Variants in DCC observed in about 807,000 individuals in gnomAD.
DCC encodes the protein DCC netrin 1 receptor, also known as netrin receptor DCC.
DCC carries 58 observed loss-of-function variants against 172.5 expected under a neutral mutation model. The observed-to-expected ratio is 0.34, with a 90% CI of 0.27 to 0.42. DCC has a LOEUF of 0.42. Ranked by LOEUF, DCC falls within the 10% of genes least tolerant of loss-of-function variation. DCC has a pLI of 1.00. For missense variants in DCC, 1,740 were observed against 1,791.0 expected (o/e 0.97, Z 0.51); for synonymous variants, 709 against 644.5 (o/e 1.10, Z -1.52).
intron 27 of DCC, among the ~76,000 whole-genome samples, chr18:53,510,598 C>A (rs1480305762): frequency 6.6e-6 from 1 of 152,148 alleles, no homozygotes; most frequent in Non-Finnish European, 1.5e-5. Flanking sequence ...CAGTTTTCAT[C>A]CTTTGCATTA....
In DCC at chr18:52,690,087, G is replaced by A. The variant is rs1460193; in HGVS notation, c.92-61967G>A. 2.2e-3 allele frequency among the ~76,000 whole-genome samples: 337 copies of A among 152,238 alleles called. 1 individual carries two copies. Among genetic ancestry groups the A allele is most frequent in the African/African-American group, 7.7e-3 (320 of 41,570 alleles). On this transcript the variant is annotated intron_variant, in intron 1 of 28. Transcript: ENST00000442544. The stretch of plus-strand genomic sequence containing the variant: ...CCTTCAAATGACTGTAGCCCAGACT[G>A]ACAGCTTGACAGCAGCCTCAGGAGA...
intron 12 of DCC, among the ~76,000 whole-genome samples, chr18:53,226,934 GTA>G (rs1555734406): frequency 5.9e-5 from 4 of 68,142 alleles, no homozygotes; most frequent in African/African-American, 6.2e-5. Flanking sequence ...GTGTGTGTGT[GTA>G]TATATATATA....
intron 2 of DCC, among the ~76,000 whole-genome samples, chr18:52,862,509 C>G (rs1402395719): frequency 1.3e-5 from 2 of 152,004 alleles, no homozygotes; most frequent in Non-Finnish European, 2.9e-5. Context: ...TGGAGACCAG[C>G]CTGTATGCTG....
At chr18:53,415,231 A>G (rs182010872) in intron 20 of DCC, among the ~76,000 whole-genome samples, 4 of 152,294 alleles carry the variant, frequency 2.6e-5, no homozygotes, top group Admixed American at 1.3e-4. Flanking sequence ...TATTTTCTCT[A>G]TGTGAATTTT....
intron 12 of DCC, among the ~76,000 whole-genome samples, chr18:53,225,398 A>G (rs983187315): frequency 6.6e-6 from 1 of 152,226 alleles, no homozygotes; most frequent in Non-Finnish European, 1.5e-5. Flanking sequence ...TAAAAGAGAC[A>G]CAGCAATGAT....
At chr18:53,448,055 T>TGTTTTG (rs1555673130) in intron 22 of DCC, among the ~76,000 whole-genome samples, 1 of 149,562 alleles carries the variant, frequency 6.7e-6, no homozygotes, top group African/African-American at 2.5e-5. Flanking sequence ...GAGTTTTTTT[T>TGTTTTG]TTTTTTTTTT....
chr18:53,341,872 A>C (rs1375371352), intron 15 of DCC, among the ~76,000 whole-genome samples: 1 of 152,238 alleles, frequency 6.6e-6, no homozygotes, highest in Admixed American at 6.5e-5. Flanking sequence ...CAGTTTCCAT[A>C]GTAACTTTTT....
At chr18:53,161,605 A>G (rs1305936304) in intron 8 of DCC, among the ~76,000 whole-genome samples, 4 of 152,114 alleles carry the variant, frequency 2.6e-5, no homozygotes, top group South Asian at 2.1e-4. Context: ...CTCAACATCA[A>G]TATCCCACGA....
intron 12 of DCC, among the ~76,000 whole-genome samples, chr18:53,295,304 T>G (rs2057053523): frequency 6.6e-6 from 1 of 151,984 alleles, no homozygotes; most frequent in South Asian, 2.1e-4. Flanking sequence ...TCAACAAAAA[T>G]AGCATATAAG....
chr18:53,417,930 C>T (rs1910415323), intron 21 of DCC, among the ~76,000 whole-genome samples: 1 of 151,952 alleles, frequency 6.6e-6, no homozygotes, highest in African/African-American at 2.4e-5. Flanking sequence ...TTTCCCAGTC[C>T]CTATGATCAC....
chr18:53,171,865 A>T (rs980142020), intron 8 of DCC, among the ~76,000 whole-genome samples: 1 of 152,118 alleles, frequency 6.6e-6, no homozygotes, highest in Non-Finnish European at 1.5e-5. Context: ...CTAAAAAAAA[A>T]AAAATAATAA....
intron 2 of DCC, chr18:52,757,286 C>T (rs2037091352): frequency 6.6e-6 from 1 of 152,154 alleles, no homozygotes; most frequent in African/African-American, 2.4e-5. Context: ...GGCTTTTCAA[C>T]TGAAAAAGAT....
intron 1 of DCC, among the ~76,000 whole-genome samples, chr18:52,387,387 A>C (rs1367354304): frequency 6.6e-6 from 1 of 152,094 alleles, no homozygotes; most frequent in Non-Finnish European, 1.5e-5. Context: ...CTGGATGATG[A>C]CATTTCCCAG....
At chr18:53,327,493 G>A (rs1332818212) in intron 14 of DCC, among the ~76,000 whole-genome samples, 2 of 152,012 alleles carry the variant, frequency 1.3e-5, no homozygotes, top group Non-Finnish European at 2.9e-5. Flanking sequence ...ATTGCTATAC[G>A]CTATCAATAA....
intron 7 of DCC, among the ~76,000 whole-genome samples, chr18:53,136,232 C>CACATACATGCATATATACACACACAT (rs2043740514): frequency 7.9e-6 from 1 of 126,478 alleles, no homozygotes; most frequent in South Asian, 3.2e-4. Flanking sequence ...CACACACACA[C>CACATACATGCATATATACACACACAT]ACATACATGC....
intron 22 of DCC, among the ~76,000 whole-genome samples, chr18:53,439,289 G>A (rs1912124975): frequency 6.6e-6 from 1 of 152,166 alleles, no homozygotes; most frequent in Non-Finnish European, 1.5e-5. Flanking sequence ...TAAAAGGGGG[G>A]TATGTTTTCC....
chr18:53,323,024 A>G (rs1043321113), intron 14 of DCC, among the ~76,000 whole-genome samples: 1 of 152,182 alleles, frequency 6.6e-6, no homozygotes, highest in Non-Finnish European at 1.5e-5. Flanking sequence ...AAAATGTGAC[A>G]GCACAAGATA....
At chr18:53,432,177 T>G (rs1189419404) in intron 21 of DCC, among the ~76,000 whole-genome samples, 1 of 152,132 alleles carries the variant, frequency 6.6e-6, no homozygotes, top group Non-Finnish European at 1.5e-5. Flanking sequence ...AACCTAGTAG[T>G]AAGTTTATAG....
intron 12 of DCC, among the ~76,000 whole-genome samples, chr18:53,217,836 G>A (rs972835760): frequency 6.6e-5 from 10 of 151,784 alleles, no homozygotes; most frequent in African/African-American, 2.4e-4. Context: ...CAGAATTCCA[G>A]GGTGTTTTTA....
Sources: gnomAD v4.1 joint callset for allele counts (sites outside exome capture counted in the v4.1 genomes callset) on GRCh38, gnomAD v4.1.1 for gene constraint, MANE v1.5 for transcripts, NCBI Gene and HGNC (gene_info 2026-07-23, HGNC 2026-07-21) for gene names.